The following FGF12 variants were observed in gnomAD, a reference collection of about 807,000 sequenced individuals.
The protein encoded by FGF12 is fibroblast growth factor 12.
Under a neutral mutation model 23.6 loss-of-function variants are expected in FGF12, and 14 were observed. That is an observed-to-expected ratio of 0.59 (90% CI 0.39 to 0.93). The LOEUF is 0.93. Among genes scored for constraint, FGF12 ranks in the 40% least tolerant of loss-of-function variants. The pLI is 0.00. For missense variants in FGF12, 175 were observed against 217.8 expected, an observed-to-expected ratio of 0.80 and a Z score of 1.24; for synonymous variants, 62 against 77.3, an observed-to-expected ratio of 0.80 and a Z score of 1.04.
chr3:192,531,229 C>T (rs981622612), intron 2 of FGF12, among the ~76,000 whole-genome samples: 2 of 152,262 alleles, frequency 1.3e-5, no homozygotes, highest in African/African-American at 4.8e-5. Context: ...CAGTTGTCCA[C>T]TCCACATTGT....
intron 3 of FGF12, among the ~76,000 whole-genome samples, 184 bp from the exon 4 acceptor site, chr3:192,335,648 C>A (rs1001264990): frequency 3.3e-5 from 5 of 152,076 alleles, no homozygotes; most frequent in African/African-American, 1.2e-4. Context: ...GCATTAATTA[C>A]CTATGTAACT....
At chr3:192,475,285 A>G (rs1723283697) in intron 2 of FGF12, among the ~76,000 whole-genome samples, 1 of 152,216 alleles carries the variant, frequency 6.6e-6, no homozygotes, top group South Asian at 2.1e-4. Flanking sequence ...CTAAATTAGT[A>G]AGGATTAAGG....
chr3:192,241,544 A>G (rs112682939), intron 4 of FGF12, among the ~76,000 whole-genome samples: 46 of 152,308 alleles, frequency 3.0e-4, no homozygotes, highest in African/African-American at 1.1e-3. Context: ...GTTTGAAGAA[A>G]CAGGGGATTT....
chr3:192,228,593 G>A (rs765653700), intron 4 of FGF12, among the ~76,000 whole-genome samples: 5 of 151,906 alleles, frequency 3.3e-5, no homozygotes, highest in South Asian at 2.1e-4. Context: ...CCATGCCCTC[G>A]GGTGATTTTT....
intron 2 of FGF12, among the ~76,000 whole-genome samples, chr3:192,375,832 G>T (rs115443511): frequency 0.017 from 2,612 of 151,566 alleles, 76 homozygotes; most frequent in African/African-American, 0.06. Context: ...CTTTCCCTCA[G>T]CATTCTGGAA....
chr3:192,257,854 T>G (rs775161614), intron 4 of FGF12, among the ~76,000 whole-genome samples: 3 of 152,004 alleles, frequency 2.0e-5, no homozygotes, highest in Non-Finnish European at 4.4e-5. Flanking sequence ...TAAACGATAT[T>G]ATTCTATTTT....
chr3:192,321,679 A>G (rs568077995), intron 4 of FGF12, among the ~76,000 whole-genome samples: 72 of 152,244 alleles, frequency 4.7e-4, no homozygotes, highest in African/African-American at 1.6e-3. Context: ...AAATCAACCA[A>G]TGTGATATGT....
chr3:192,448,894 C>T (rs367722948), intron 2 of FGF12, among the ~76,000 whole-genome samples: 4 of 152,094 alleles, frequency 2.6e-5, no homozygotes, highest in African/African-American at 9.7e-5. Context: ...AAAATAAATT[C>T]CCTAAAAACA....
At chr3:192,291,609 T>C (rs991627413) in intron 4 of FGF12, among the ~76,000 whole-genome samples, 2 of 151,516 alleles carry the variant, frequency 1.3e-5, no homozygotes, top group Non-Finnish European at 2.9e-5. Context: ...AAAATTACCA[T>C]GGCCAGAGGT....
chr3:192,383,068 G>A (rs1216179363), intron 2 of FGF12, among the ~76,000 whole-genome samples: 2 of 152,288 alleles, frequency 1.3e-5, no homozygotes, highest in Non-Finnish European at 2.9e-5. Flanking sequence ...TGGGAGCACA[G>A]TAAAAATAGA....
rs912675423 is a variant in FGF12, at chr3:192,238,861, T to C, written c.229-68205A>G. The stretch of plus-strand genomic sequence containing the variant: ...CAATCTTTGGACAGTGCTAGGCCTA[T>C]CAATGGTGAACCTGGGATGGCTGAA... On this transcript the variant is annotated intron_variant, in intron 4 of 5. Transcript: ENST00000445105. 6.1e-4 allele frequency among the ~76,000 whole-genome samples: 93 copies of C among 152,200 alleles called. 1 individual carries two copies. Among genetic ancestry groups the C allele is most frequent in the African/African-American group, 2.2e-3 (91 of 41,464 alleles).
At chr3:192,522,185 G>C (rs1398804486) in intron 2 of FGF12, among the ~76,000 whole-genome samples, 2 of 141,310 alleles carry the variant, frequency 1.4e-5, no homozygotes, top group South Asian at 2.4e-4. Context: ...GCGACAGAGC[G>C]AGACTCCGTC....
intron 2 of FGF12, among the ~76,000 whole-genome samples, chr3:192,469,737 C>T (rs376177169): frequency 2.6e-5 from 4 of 152,100 alleles, no homozygotes; most frequent in African/African-American, 9.7e-5. Flanking sequence ...CTGAAGGCAA[C>T]CTAGGTGTCC....
chr3:192,360,778 G>A lies in FGF12; in HGVS notation c.14-240C>T. 2 of 499,782 alleles carry A rather than the reference G, an allele frequency of 4.0e-6. No homozygotes were observed. Among genetic ancestry groups the A allele is most frequent in the Non-Finnish European group, 7.2e-6 (2 of 277,310 alleles). The allele number at this position is 499,782 out of a possible 1,614,324, so 31.0% of individuals were successfully genotyped here. A position where few individuals can be genotyped will look rare whatever the true frequency, so the allele number is the denominator to read the frequency against. On this transcript the variant is annotated intron_variant, in intron 2 of 5. Transcript: ENST00000445105. This position sits in a 1 kb window ranked among gnomAD's most constrained non-coding sequence, Gnocchi z 4.3. ...AATAAATAAAAGCTAATTATGATTG[G>A]GAAAATACAGAGACATGCTAAAAAG...
At chr3:192,301,492 T>C (rs1218871920) in intron 4 of FGF12, among the ~76,000 whole-genome samples, 1 of 152,218 alleles carries the variant, frequency 6.6e-6, no homozygotes, top group Non-Finnish European at 1.5e-5. Context: ...AAATGGTCTT[T>C]GACCTTGTGA....
At chr3:192,258,626 A>AT (rs2108614889) in intron 4 of FGF12, among the ~76,000 whole-genome samples, 1 of 152,284 alleles carries the variant, frequency 6.6e-6, no homozygotes, top group African/African-American at 2.4e-5. Flanking sequence ...GTTGTAATCC[A>AT]TATGAAGATT....
At chr3:192,169,337 T>C (rs1715411364) in intron 5 of FGF12, among the ~76,000 whole-genome samples, 2 of 152,010 alleles carry the variant, frequency 1.3e-5, no homozygotes, top group African/African-American at 4.8e-5. Context: ...CAAGACTCCA[T>C]CTCAAATAAA....
chr3:192,616,708 GC>G (rs965745316), intron 2 of FGF12, among the ~76,000 whole-genome samples: 3 of 151,954 alleles, frequency 2.0e-5, no homozygotes, highest in African/African-American at 7.2e-5. Flanking sequence ...CAGCTTGGTT[GC>G]ATGTGGAAAT....
At position 192,420,128 on chromosome 3, in the gene FGF12, T is replaced by C. The variant is rs141235889; in HGVS notation, c.14-59590A>G. 6.6e-5 allele frequency among the ~76,000 whole-genome samples: 10 copies of C among 152,132 alleles called. 1 individual carries two copies. In the East Asian group the frequency reaches 1.9e-3, roughly 30 times the overall value. ...ATTCTTGTGTAGGAAAGATCCCAGTTTGGGGTAAGGCACCTCAAAATAACC... is the reference window on the plus strand; with the variant it reads ...ATTCTTGTGTAGGAAAGATCCCAGTCTGGGGTAAGGCACCTCAAAATAACC... On this transcript the variant is annotated intron_variant, in intron 2 of 5. Transcript: ENST00000445105.
Sources: allele counts gnomAD v4.1 joint callset (sites outside exome capture counted in the v4.1 genomes callset), GRCh38; gene constraint gnomAD v4.1.1; non-coding constraint Gnocchi (gnomAD v3.1); transcripts MANE v1.5; gene names NCBI Gene and HGNC (gene_info 2026-07-23, HGNC 2026-07-21).